ZNF792: variants seen among roughly 807,000 people sequenced by gnomAD.
ZNF792 encodes the protein zinc finger protein 792.
ZNF792 carries 14 observed loss-of-function variants against 13.1 expected under a neutral mutation model. That is an observed-to-expected ratio of 1.07 (90% CI 0.71 to 1.67). The LOEUF is 1.67. ZNF792 is among the 40% of genes most tolerant of loss of function. ZNF792 has a pLI of 0.00. For missense variants in ZNF792, 740 were observed against 807.9 expected (o/e 0.92, Z 1.02); for synonymous variants, 257 against 292.0 (o/e 0.88, Z 1.22).
chr19:34,962,471 A>C (rs749369146), intron 1 of ZNF792, among the ~76,000 whole-genome samples: 1 of 152,160 alleles, frequency 6.6e-6, no homozygotes, highest in African/African-American at 2.4e-5. Flanking sequence ...CTTAAATCAG[A>C]AGCAGGAGCA....
chr19:34,958,174 G>A lies in ZNF792; in HGVS notation c.1681C>T (p.Pro561Ser). ...QHLKVHKPDR[P>S]YECSECGKAF... is the part of the protein sequence containing the mutation. ...TTCCCACATTCGCTGCATTCGTAAG[G>A]CCTGTCTGGTTTGTGAACTTTCAGG... is the stretch of plus-strand genomic sequence containing the variant. Residue 561 changes from proline to serine, a missense_variant, in exon 4 of 4, where the codon CCT becomes TCT. Pro to Ser is a moderately conservative substitution (Grantham distance 74). Coordinates refer to ENST00000404801, the MANE Select transcript of ZNF792 (RefSeq NM_175872.5). The A allele has an allele frequency of 6.2e-7, 1 of 1,611,812 alleles. No homozygotes were observed. The highest frequency in any genetic ancestry group is 8.5e-7 in the Non-Finnish European group (1 of 1,178,090).
chr19:34,958,124 G>C lies in ZNF792; in HGVS notation c.1731C>G (p.Leu577=). The C allele has an allele frequency of 6.2e-7, 1 of 1,613,532 alleles. No individual in the cohort carries two copies. The highest frequency in any genetic ancestry group is 8.5e-7 in the Non-Finnish European group (1 of 1,179,624). ...CGKAFNQRPT[L]IRHQKIHIRE... ...TGATGTGAATCTTCTGATGCCGAAT[G>C]AGGGTAGGCCTTTGGTTGAAGGCTT... The change falls in exon 4 of 4, where the codon CTC becomes CTG. Residue 577 remains leucine, a synonymous_variant. Coordinates refer to ENST00000404801, the MANE Select transcript of ZNF792 (RefSeq NM_175872.5).
In ZNF792 at chr19:34,958,221, T is replaced by C. The variant is rs1366320307; in HGVS notation, c.1634A>G (p.Gln545Arg). 4 of 1,614,040 alleles carry C rather than the reference T, an allele frequency of 2.5e-6. No individual in the cohort carries two copies. Among genetic ancestry groups the C allele is most frequent in the Admixed American group, 1.7e-5 (1 of 60,036 alleles). ...CAGGTGCTGCCTCAGATTGGACCTC[T>C]GCCTGAAGGTTTTCCCACATTCGCT... ...ECSECGKTFR[Q>R]RSNLRQHLKV... Residue 545 changes from glutamine to arginine, a missense_variant, in exon 4 of 4, where the codon CAG becomes CGG. Gln to Arg is a conservative substitution (Grantham distance 43). Transcript: ENST00000404801.
Position 34,963,630 on chromosome 19 carries a change from C to G in ZNF792, c.33G>C (p.Gln11His), listed in dbSNP as rs2013560844. 5 of 1,603,554 alleles carry G rather than the reference C, an allele frequency of 3.1e-6. No individual in the cohort carries two copies. The highest frequency in any genetic ancestry group is 4.3e-6 in the Non-Finnish European group (5 of 1,175,912). The change falls in exon 1 of 4, where the codon CAG (glutamine) becomes CAC (histidine). Residue 11 changes from glutamine to histidine, a missense_variant and splice_region_variant. Coordinates refer to ENST00000404801, the MANE Select transcript of ZNF792 (RefSeq NM_175872.5). MAAAALRDPA[Q>H]GCVTFEDVTI... ...AAGGGCCTAACGTCCAAGCACTCAC[C>G]TGCGCGGGGTCCCGCAGCGCCGCCG... is the stretch of plus-strand genomic sequence containing the variant.
rs2013570567 is a variant in ZNF792 at position 34,963,964 on chromosome 19, A to G, written c.-302T>C. The G allele has an allele frequency of 2.7e-6, 1 of 373,246 alleles. No homozygotes were observed. The highest frequency in any genetic ancestry group is 4.8e-6 in the Non-Finnish European group (1 of 208,094). The allele number at this position is 373,246 out of a possible 1,614,324, so 23.1% of individuals were successfully genotyped here. A position where few individuals can be genotyped will look rare whatever the true frequency, so the allele number is the denominator to read the frequency against. ...CACTGTCCCCCTCGCGGTCCGGGAAAGCCGGCGGGGCAGCTTCACGGGCGT... is the reference window on the plus strand; with the variant it reads ...CACTGTCCCCCTCGCGGTCCGGGAAGGCCGGCGGGGCAGCTTCACGGGCGT... On this transcript the variant is annotated 5_prime_UTR_variant, in exon 1 of 4. Transcript: ENST00000404801.
chr19:34,959,670 A>T (rs373880819), intron 3 of ZNF792, 99 bp from the exon 4 acceptor site: 2 of 1,305,894 alleles, frequency 1.5e-6, no homozygotes, highest in East Asian at 2.5e-5. Context: ...AGCCCATGGG[A>T]TTGTTGGCAA....
rs1384255986 is a variant in ZNF792, at chr19:34,963,815, C to T, written c.-153G>A. 3.4e-6 allele frequency: 3 copies of T among 886,362 alleles called. No individual in the cohort carries two copies. The highest frequency in any genetic ancestry group is 5.0e-6 in the Non-Finnish European group (3 of 605,680). The allele number at this position is 886,362 out of a possible 1,614,324, so 54.9% of individuals were successfully genotyped here. On this transcript the variant is annotated 5_prime_UTR_variant, in exon 1 of 4. Coordinates refer to ENST00000404801, the MANE Select transcript of ZNF792 (RefSeq NM_175872.5). ...TCGCACTCCTAGCCTCAGTCTCCCC[C>T]GTGCAAAATGCGCAAGGGGCCCGGG... is the stretch of plus-strand genomic sequence containing the variant.
Position 34,957,791 on chromosome 19 carries a change from G to T in ZNF792, c.*165C>A, listed in dbSNP as rs934921908. 9.1e-6 allele frequency: 6 copies of T among 658,534 alleles called. No homozygotes were observed. The Admixed American group carries it at 9.4e-5, about 10-fold the overall frequency. 40.8% of individuals were successfully genotyped at this position (658,534 alleles called of 1,614,324 possible). On this transcript the variant is annotated 3_prime_UTR_variant, in exon 4 of 4. Transcript: ENST00000404801. Reference sequence around the variant, plus strand: ...GATTGGAAAGAGAGAGGAGAGGTCTGCCTTCCCTGAGCACAGTGGAGTGGT... The same window carrying T: ...GATTGGAAAGAGAGAGGAGAGGTCTTCCTTCCCTGAGCACAGTGGAGTGGT...
At chr19:34,961,873 T>C (rs1000544584) in intron 1 of ZNF792, among the ~76,000 whole-genome samples, 3 of 152,112 alleles carry the variant, frequency 2.0e-5, no homozygotes, top group Non-Finnish European at 4.4e-5. Context: ...AGAACATAGG[T>C]GAGTGTGTAA....
chr19:34,958,696 C>A lies in ZNF792; in HGVS notation c.1159G>T (p.Val387Phe), dbSNP rs551779281. 6.2e-7 allele frequency: 1 copy of A among 1,614,112 alleles called. No homozygotes were observed. Among genetic ancestry groups the A allele is most frequent in the East Asian group, 2.2e-5 (1 of 44,878 alleles). ...QRSNLIHHKR[V>F]HTGRSAHECS... ...TCATGGGCACTTCTGCCCGTATGAA[C>A]CCTCTTATGATGAATGAGGTTGGAA... is the stretch of plus-strand genomic sequence containing the variant. Residue 387 changes from valine to phenylalanine, a missense_variant, in exon 4 of 4, where the codon GTT (valine) becomes TTT (phenylalanine). Physicochemically the swap from Val to Phe is conservative, Grantham distance 50. Transcript: ENST00000404801.
rs773292803 is a variant in ZNF792 at position 34,959,619 on chromosome 19, G to A, written c.284-48C>T. 4.0e-6 allele frequency: 6 copies of A among 1,505,242 alleles called. No homozygotes were observed. In the African/African-American group the frequency reaches 7.0e-5, roughly 18 times the overall value. 93.2% of individuals were successfully genotyped at this position (1,505,242 alleles called of 1,614,324 possible). A position where few individuals can be genotyped will look rare whatever the true frequency, so the allele number is the denominator to read the frequency against. On this transcript the variant is annotated intron_variant, in intron 3 of 3. Coordinates refer to ENST00000404801, the MANE Select transcript of ZNF792 (RefSeq NM_175872.5). ...GAAGTTCGTATAAACTTTAATAGAAGGAAAGAGCCCCATCACCTATGCTTG... is the reference window on the plus strand; with the variant it reads ...GAAGTTCGTATAAACTTTAATAGAAAGAAAGAGCCCCATCACCTATGCTTG...
In ZNF792 at chr19:34,958,652, T is replaced by C. The variant is rs1568551904; in HGVS notation, c.1203A>G (p.Lys401=). The change falls in exon 4 of 4, where the codon AAA becomes AAG. Residue 401 remains lysine (K), a synonymous_variant. Coordinates refer to ENST00000404801, the MANE Select transcript of ZNF792 (RefSeq NM_175872.5). ...RSAHECSECG[K]SFNCNSSLIK... is the part of the protein sequence containing the mutation. ...TTAGGCTGGAGTTGCAGTTGAAAGA[T>C]TTCCCACATTCACTGCACTCATGGG... 8.1e-6 allele frequency: 13 copies of C among 1,614,094 alleles called. No homozygotes were observed. Among genetic ancestry groups the C allele is most frequent in the Non-Finnish European group, 1.0e-5 (12 of 1,179,944 alleles).
Position 34,964,004 on chromosome 19 carries a change from C to T in ZNF792, c.-342G>A, listed in dbSNP as rs1381935702. 13 of 293,252 alleles carry T rather than the reference C, an allele frequency of 4.4e-5. No individual in the cohort carries two copies. The highest frequency in any genetic ancestry group is 2.2e-5 in the African/African-American group (1 of 45,718). 18.2% of individuals were successfully genotyped at this position (293,252 alleles called of 1,614,324 possible). A position where few individuals can be genotyped will look rare whatever the true frequency, so the allele number is the denominator to read the frequency against. On this transcript the variant is annotated 5_prime_UTR_variant, in exon 1 of 4. Coordinates refer to ENST00000404801, the MANE Select transcript of ZNF792 (RefSeq NM_175872.5). Reference sequence around the variant, plus strand: ...TTCACGGGCGTAGCCCCAGCCGCCCCGCCCCCAACTCGGGGTCCCCAGCTC... The same window carrying T: ...TTCACGGGCGTAGCCCCAGCCGCCCTGCCCCCAACTCGGGGTCCCCAGCTC...
At position 34,958,223 on chromosome 19, in the gene ZNF792, C is replaced by T. The variant is rs1339782723; in HGVS notation, c.1632G>A (p.Arg544=). Residue 544 remains arginine (R), a synonymous_variant, in exon 4 of 4, where the codon AGG becomes AGA. Transcript: ENST00000404801. ...GGTGCTGCCTCAGATTGGACCTCTG[C>T]CTGAAGGTTTTCCCACATTCGCTGC... is the stretch of plus-strand genomic sequence containing the variant. The part of the protein sequence containing the change: ...YECSECGKTF[R]QRSNLRQHLK... The T allele has an allele frequency of 1.9e-6, 3 of 1,613,724 alleles. No homozygotes were observed. The African/African-American group carries it at 4.0e-5, about 22-fold the overall frequency.
chr19:34,959,161 G>C lies in ZNF792; in HGVS notation c.694C>G (p.Pro232Ala). 6.2e-7 allele frequency: 1 copy of C among 1,613,946 alleles called. No individual in the cohort carries two copies. The highest frequency in any genetic ancestry group is 8.5e-7 in the Non-Finnish European group (1 of 1,179,838). The change falls in exon 4 of 4, where the codon CCC becomes GCC. Residue 232 changes from proline (P) to alanine (A), a missense_variant. Pro to Ala is a conservative substitution (Grantham distance 27). Transcript: ENST00000404801. ...GCCTCGTGCGGCTCCCCATCGCTGG[G>C]AGTGACCTCACACTGCAGAAACCCT... ...TAGFLQCEVT[P>A]SDGEPHEATE...
rs1427693167 is a variant in ZNF792, at chr19:34,963,696, C to T, written c.-34G>A. 14 of 1,556,748 alleles carry T rather than the reference C, an allele frequency of 9.0e-6. No individual in the cohort carries two copies. Among genetic ancestry groups the T allele is most frequent in the Non-Finnish European group, 1.2e-5 (14 of 1,155,354 alleles). Reference sequence around the variant, plus strand: ...GTGGTCAGAGCAGGGCCCCACGGTGCGGGAAACCACGGGGCGGGGGTAGGG... The same window carrying T: ...GTGGTCAGAGCAGGGCCCCACGGTGTGGGAAACCACGGGGCGGGGGTAGGG... On this transcript the variant is annotated 5_prime_UTR_variant, in exon 1 of 4. Coordinates refer to ENST00000404801, the MANE Select transcript of ZNF792 (RefSeq NM_175872.5).
In ZNF792 at chr19:34,958,368, T is replaced by C; in HGVS notation, c.1487A>G (p.His496Arg). Reference protein sequence around the residue: ...LFSQSSSLNSHRRLHTGERPY... With the variant: ...LFSQSSSLNSRRRLHTGERPY... The stretch of plus-strand genomic sequence containing the variant: ...CCGTTCACCAGTGTGAAGTCTCCGA[T>C]GGCTATTGAGGCTGGAGCTCTGGCT... The change falls in exon 4 of 4, where the codon CAT (histidine) becomes CGT (arginine). Residue 496 changes from histidine to arginine, a missense_variant. Transcript: ENST00000404801. 2 of 1,613,830 alleles carry C rather than the reference T, an allele frequency of 1.2e-6. No individual in the cohort carries two copies. Among genetic ancestry groups the C allele is most frequent in the Non-Finnish European group, 1.7e-6 (2 of 1,179,832 alleles).
chr19:34,957,542 AGTT>A lies in ZNF792; in HGVS notation c.*411_*413del, dbSNP rs1390324731. The A allele has an allele frequency of 1.7e-5, 3 of 174,768 alleles. No individual in the cohort carries two copies. The highest frequency in any genetic ancestry group is 7.1e-5 in the African/African-American group (3 of 42,010). 10.8% of individuals were successfully genotyped at this position (174,768 alleles called of 1,614,324 possible). A position where few individuals can be genotyped will look rare whatever the true frequency, so the allele number is the denominator to read the frequency against. ...GAACCAGGGCAATACACAGGAGATAAGTTGTTGTGTAGAGTAACATGAAGGCTG... is the reference window on the plus strand; with the variant it reads ...GAACCAGGGCAATACACAGGAGATAAGTTGTGTAGAGTAACATGAAGGCTG... On this transcript the variant is annotated 3_prime_UTR_variant, in exon 4 of 4. Coordinates refer to ENST00000404801, the MANE Select transcript of ZNF792 (RefSeq NM_175872.5).
chr19:34,957,419 GT>G lies in ZNF792; in HGVS notation c.*536del, dbSNP rs1172563667. On this transcript the variant is annotated 3_prime_UTR_variant, in exon 4 of 4. Transcript: ENST00000404801. ...CCAAGATAATCTGGAGACCCCTTCA[GT>G]TTGGTAGATCTTAACTCTGCTCTTG... The G allele has an allele frequency of 6.6e-6, 1 of 152,334 alleles. No individual in the cohort carries two copies. The highest frequency in any genetic ancestry group is 1.5e-5 in the Non-Finnish European group (1 of 68,184). The allele number at this position is 152,334 out of a possible 1,614,324, so 9.4% of individuals were successfully genotyped here. A position where few individuals can be genotyped will look rare whatever the true frequency, so the allele number is the denominator to read the frequency against.
Sources: allele counts gnomAD v4.1 joint callset (sites outside exome capture counted in the v4.1 genomes callset), GRCh38; gene constraint gnomAD v4.1.1; transcripts MANE v1.5; gene names NCBI Gene and HGNC (gene_info 2026-07-23, HGNC 2026-07-21).